Variants in GSE1 observed in about 807,000 individuals in gnomAD.
The protein encoded by GSE1 is genetic suppressor element 1.
A neutral mutation model predicts 112.6 loss-of-function variants in GSE1; 32 were observed. The ratio of observed to expected loss-of-function variants is 0.28; its 90% CI spans 0.21 to 0.38. The LOEUF (loss-of-function observed/expected upper bound fraction) is 0.38, where lower values mean the gene tolerates loss of function less well. Among genes scored for constraint, GSE1 ranks in the 10% least tolerant of loss-of-function variants. GSE1 has a pLI of 1.00. For missense variants in GSE1, 2,348 were observed against 1,699.2 expected, an observed-to-expected ratio of 1.38 and a Z score of -6.71; for synonymous variants, 1,115 against 735.6, an observed-to-expected ratio of 1.52 and a Z score of -8.35.
chr16:85,295,868 G>C (rs117050800), intron 1 of GSE1, among the ~76,000 whole-genome samples: 1 of 151,090 alleles, frequency 6.6e-6, no homozygotes, highest in Non-Finnish European at 1.5e-5. Flanking sequence ...GCCTCCCAAA[G>C]TGCTGGGACT....
intron 2 of GSE1, among the ~76,000 whole-genome samples, chr16:85,508,963 G>A (rs548081682): frequency 1.1e-4 from 17 of 152,312 alleles, no homozygotes; most frequent in South Asian, 2.1e-4. Context: ...GGTCACTGGC[G>A]ACTGGCTGGC....
rs2051985781 is a variant in GSE1, at chr16:85,656,685, C to A, written c.1312+20C>A. 1 of 1,477,318 alleles carries A rather than the reference C, an allele frequency of 6.8e-7. No homozygotes were observed. The highest frequency in any genetic ancestry group is 9.0e-7 in the Non-Finnish European group (1 of 1,116,078). 91.5% of individuals were successfully genotyped at this position (1,477,318 alleles called of 1,614,324 possible). ...GAGCAGGTACCTGGGCGTGGGTGGG[C>A]TGTGCTGGGCAAGGTCTCAGCCACC... On this transcript the variant is annotated intron_variant, in intron 7 of 15. Coordinates refer to ENST00000253458, the MANE Select transcript of GSE1 (RefSeq NM_014615.5).
chr16:85,205,439 T>C (rs2143596939), intron 1 of GSE1, among the ~76,000 whole-genome samples: 1 of 152,344 alleles, frequency 6.6e-6, no homozygotes, highest in South Asian at 2.1e-4. Context: ...GCCTTGTCTC[T>C]GTTTTGCTGA....
At chr16:85,404,553 T>A (rs758079787) in intron 2 of GSE1, among the ~76,000 whole-genome samples, 70 of 12,632 alleles carry the variant, frequency 5.5e-3, no homozygotes, top group Admixed American at 9.0e-3. Context: ...TCACTGTTAC[T>A]CTCAGGGCCC....
At position 85,346,192 on chromosome 16, in the gene GSE1, G is replaced by T. The variant is rs557145213; in HGVS notation, c.2284-11271G>T. Among the ~76,000 whole-genome samples the T allele has an allele frequency of 3.5e-5, 5 of 141,760 alleles. No individual in the cohort carries two copies. In the East Asian group the frequency reaches 1.1e-3, roughly 32 times the overall value. The allele number at this position is 141,760 out of a possible 152,430, so 93.0% of individuals were successfully genotyped here. The stretch of plus-strand genomic sequence containing the variant: ...TGGGTGGATGAATGGATGGATGGAT[G>T]AACAATGGATGGGAAGATGGATGCA... On this transcript the variant is annotated intron_variant, in intron 1 of 2. Coordinates refer to the GSE1 transcript ENST00000637419.
intron 1 of GSE1, among the ~76,000 whole-genome samples, chr16:85,621,467 C>T (rs113559002): frequency 0.014 from 2,178 of 152,324 alleles, 46 homozygotes; most frequent in African/African-American, 0.05. Context: ...ACAGTCTTAT[C>T]GTTTTACAAC....
In GSE1 at chr16:85,666,125, A is replaced by G. The variant is rs2052836745; in HGVS notation, c.2908A>G (p.Ser970Gly). 1 of 1,613,282 alleles carries G rather than the reference A, an allele frequency of 6.2e-7. No homozygotes were observed. Among genetic ancestry groups the G allele is most frequent in the Non-Finnish European group, 8.5e-7 (1 of 1,179,964 alleles). Reference protein sequence around the residue: ...LSRVQELAPASGEKARLSEAP... With the variant: ...LSRVQELAPAGGEKARLSEAP... ...GAGAGTCCAGGAGCTAGCTCCTGCC[A>G]GCGGGGAGAAGGCCAGGCTGAGCGA... is the stretch of plus-strand genomic sequence containing the variant. Residue 970 changes from serine (S) to glycine (G), a missense_variant, in exon 13 of 16, where the codon AGC becomes GGC. Physicochemically the swap from Ser to Gly is moderately conservative, Grantham distance 56 (BLOSUM62 0). Transcript: ENST00000253458.
intron 8 of GSE1, chr16:85,659,325 G>A (rs1250875789): frequency 6.6e-6 from 1 of 152,216 alleles, no homozygotes; most frequent in African/African-American, 2.4e-5. Context: ...TCTCTGCACA[G>A]TATTGGTCCA....
At chr16:85,176,329 C>T (rs1396144397) in intron 1 of GSE1, among the ~76,000 whole-genome samples, 3 of 152,210 alleles carry the variant, frequency 2.0e-5, no homozygotes, top group Non-Finnish European at 4.4e-5. Context: ...TGTGTGCCCA[C>T]CCCTCCTTGC....
At chr16:85,201,371 C>T (rs1475425698) in intron 1 of GSE1, among the ~76,000 whole-genome samples, 1 of 146,584 alleles carries the variant, frequency 6.8e-6, no homozygotes, top group African/African-American at 2.5e-5. Flanking sequence ...AGAAAGTGAA[C>T]GTGAAGCCGG....
At chr16:85,499,295 C>CTTTTTTTTT (rs568776401) in intron 2 of GSE1, among the ~76,000 whole-genome samples, 7 of 77,160 alleles carry the variant, frequency 9.1e-5, no homozygotes, top group African/African-American at 3.1e-4. Flanking sequence ...GGAAAGTCAC[C>CTTTTTTTTT]TTTTTTTTTT....
chr16:85,473,154 G>A (rs1467739347), intron 2 of GSE1, among the ~76,000 whole-genome samples: 1 of 152,256 alleles, frequency 6.6e-6, no homozygotes, highest in Non-Finnish European at 1.5e-5. Context: ...TTTGTTCCAC[G>A]GCCTATTTGC....
upstream of GSE1, chr16:85,613,114 C>T (rs1406678784): frequency 9.5e-7 from 1 of 1,051,890 alleles, no homozygotes; most frequent in Non-Finnish European, 1.3e-6. Context: ...GCGCGCGCGC[C>T]TGTGTGTTTG....
chr16:85,191,921 G>A (rs2074831636), intron 1 of GSE1, among the ~76,000 whole-genome samples: 1 of 152,196 alleles, frequency 6.6e-6, no homozygotes, highest in African/African-American at 2.4e-5. Context: ...CTCCAGGGTG[G>A]GCAGGCATGG....
At chr16:85,357,086 G>A (rs937029655) in intron 1 of GSE1, among the ~76,000 whole-genome samples, 5 of 152,234 alleles carry the variant, frequency 3.3e-5, no homozygotes, top group Non-Finnish European at 1.5e-5. Context: ...GACAGGACAA[G>A]GCTGGACCTT....
intron 2 of GSE1, among the ~76,000 whole-genome samples, chr16:85,635,862 G>T (rs186542088): frequency 5.3e-5 from 8 of 152,224 alleles, no homozygotes; most frequent in Admixed American, 3.9e-4. Context: ...TCCTCGCCAA[G>T]GAAGGTGGTA....
chr16:85,336,640 C>T (rs1367955704), intron 1 of GSE1, among the ~76,000 whole-genome samples: 17 of 151,378 alleles, frequency 1.1e-4, no homozygotes, highest in Admixed American at 1.1e-3. Context: ...CTCACTTCAT[C>T]GCCCAGGCTG....
intron 1 of GSE1, among the ~76,000 whole-genome samples, chr16:85,187,785 C>G (rs755458438): frequency 6.6e-6 from 1 of 152,150 alleles, no homozygotes; most frequent in South Asian, 2.1e-4. Context: ...ACATGGAGCA[C>G]GTGAAGCCAT....
intron 1 of GSE1, among the ~76,000 whole-genome samples, chr16:85,308,521 C>T (rs1362034244): frequency 7.2e-5 from 11 of 152,098 alleles, no homozygotes; most frequent in South Asian, 2.1e-4. Flanking sequence ...ACAAACTCCT[C>T]GGGGACTTCG....
Sources: gnomAD v4.1 joint callset for allele counts (sites outside exome capture counted in the v4.1 genomes callset) on GRCh38, gnomAD v4.1.1 for gene constraint, MANE v1.5 for transcripts, NCBI Gene and HGNC (gene_info 2026-07-23, HGNC 2026-07-21) for gene names.